PARP1: variants seen among roughly 807,000 people sequenced by gnomAD.
PARP1 encodes the protein poly(ADP-ribose) polymerase 1.
In PARP1, 44 loss-of-function variants were observed where a neutral mutation model predicts 118.7. The ratio of observed to expected loss-of-function variants is 0.37; its 90% CI spans 0.29 to 0.48. The LOEUF is 0.48. Ranked by LOEUF, PARP1 falls within the 20% of genes least tolerant of loss-of-function variation. The pLI is 0.99. For synonymous variants in PARP1, 492 were observed against 483.2 expected, an observed-to-expected ratio of 1.02 and a Z score of -0.24; for missense variants, 1,100 against 1,272.4, an observed-to-expected ratio of 0.86 and a Z score of 2.06.
intron 9 of PARP1, 68 bp downstream of exon 9, chr1:226,381,000 T>A: frequency 6.4e-7 from 1 of 1,568,504 alleles, no homozygotes. Context: ...TCTTCCTCAC[T>A]TACTCGTCAT....
chr1:226,407,507 G>A (rs960600192), intron 1 of PARP1, among the ~76,000 whole-genome samples: 2 of 152,088 alleles, frequency 1.3e-5, no homozygotes, highest in Non-Finnish European at 2.9e-5. Flanking sequence ...GAGGCGAACG[G>A]CAGTAATAAA....
In PARP1 at chr1:226,382,884, C is replaced by T. The variant is rs980680767; in HGVS notation, c.1159+152G>A. The T allele has an allele frequency of 8.0e-5, 64 of 802,380 alleles. No homozygotes were observed. The African/African-American group carries it at 1.0e-3, about 13-fold the overall frequency. 49.7% of individuals were successfully genotyped at this position (802,380 alleles called of 1,614,324 possible). On this transcript the variant is annotated intron_variant, in intron 8 of 22. Coordinates refer to ENST00000366794, the MANE Select transcript of PARP1 (RefSeq NM_001618.4). ...GGGTGTAACAAGCCAAGAGAAGAGG[C>T]CTATCCCCTGCAGGGCAAGGCTTCC...
chr1:226,361,956 C>CA lies in PARP1; in HGVS notation c.2963+12dup, dbSNP rs1664148625. The stretch of plus-strand genomic sequence containing the variant: ...TCCCTTTGTGCTCACACAGCATACT[C>CA]AAGAAAGGATACTCGTTATATAGTA... On this transcript the variant is annotated intron_variant, in intron 22 of 22. Coordinates refer to ENST00000366794, the MANE Select transcript of PARP1 (RefSeq NM_001618.4). The CA allele has an allele frequency of 6.8e-7, 1 of 1,465,566 alleles. No individual in the cohort carries two copies. Among genetic ancestry groups the CA allele is most frequent in the African/African-American group, 1.4e-5 (1 of 72,004 alleles). 90.8% of individuals were successfully genotyped at this position (1,465,566 alleles called of 1,614,324 possible).
rs533318843 is a variant in PARP1, at chr1:226,380,092, A to C, written c.1373T>G (p.Phe458Cys). ...GGTGGAGGCGGAGACGTCCTGGAGGAAGTCCTCAGACACAACTCGGATGTT... is the reference window on the plus strand; with the variant it reads ...GGTGGAGGCGGAGACGTCCTGGAGGCAGTCCTCAGACACAACTCGGATGTT... ...EANIRVVSEDFLQDVSASTKS... is the reference protein window; with the variant it reads ...EANIRVVSEDCLQDVSASTKS... Residue 458 changes from phenylalanine to cysteine, a missense_variant, in exon 10 of 23, where the codon TTC becomes TGC. Phe to Cys is a radical substitution (Grantham distance 205). Transcript: ENST00000366794. The C allele has an allele frequency of 6.2e-7, 1 of 1,614,206 alleles. No individual in the cohort carries two copies. The highest frequency in any genetic ancestry group is 1.3e-5 in the African/African-American group (1 of 75,046).
chr1:226,377,033 C>T (rs759708028), intron 13 of PARP1, 75 bp downstream of exon 13: 27 of 1,296,170 alleles, frequency 2.1e-5, no homozygotes, highest in Admixed American at 5.0e-5. Flanking sequence ...ACCTGATCCA[C>T]GATGTGGATT....
At chr1:226,364,205 G>A (rs2102726366) in intron 19 of PARP1, 135 bp from the exon 20 acceptor site, 1 of 860,122 alleles carries the variant, frequency 1.2e-6, no homozygotes, top group South Asian at 1.4e-5. Flanking sequence ...CAATGCCCAT[G>A]GTGAGGAAAT....
At chr1:226,401,237 G>C (rs1024504193) in intron 2 of PARP1, among the ~76,000 whole-genome samples, 28 of 152,248 alleles carry the variant, frequency 1.8e-4, no homozygotes, top group African/African-American at 6.8e-4. Context: ...GCCTGGGCGG[G>C]TCCTTGGCTT....
In PARP1 at chr1:226,367,495, G is replaced by A; in HGVS notation, c.2391C>T (p.Leu797=). 1 of 1,614,080 alleles carries A rather than the reference G, an allele frequency of 6.2e-7. No individual in the cohort carries two copies. The highest frequency in any genetic ancestry group is 8.5e-7 in the Non-Finnish European group (1 of 1,180,026). Residue 797 remains leucine (L), a synonymous_variant, in exon 17 of 23, where the codon CTC becomes CTT. Coordinates refer to ENST00000366794, the MANE Select transcript of PARP1 (RefSeq NM_001618.4). ...KDPIDVNYEK[L]KTDIKVVDRD... is the part of the protein sequence containing the mutation. The stretch of plus-strand genomic sequence containing the variant: ...ACCCTGTTACCTTAATGTCAGTTTT[G>A]AGCTTCTCATAGTTGACATCGATGG...
At chr1:226,406,997 T>C (rs1665162145) in intron 1 of PARP1, among the ~76,000 whole-genome samples, 1 of 152,086 alleles carries the variant, frequency 6.6e-6, no homozygotes, top group Non-Finnish European at 1.5e-5. Flanking sequence ...GAACCAGAAT[T>C]ATTAATACAA....
chr1:226,380,013 C>T lies in PARP1; in HGVS notation c.1452G>A (p.Glu484=), dbSNP rs1285334645. 12 of 1,614,110 alleles carry T rather than the reference C, an allele frequency of 7.4e-6. No individual in the cohort carries two copies. The highest frequency in any genetic ancestry group is 1.0e-5 in the Non-Finnish European group (12 of 1,180,056). Residue 484 remains glutamate, a synonymous_variant, in exon 10 of 23, where the codon GAG becomes GAA. Transcript: ENST00000366794. The stretch of plus-strand genomic sequence containing the variant: ...CAACTTCAACAGGCTCTGCCTTCAC[C>T]TCTGCCCCCCAAGGGGACAAGATGT... ...LAHILSPWGA[E]VKAEPVEVVA... is the part of the protein sequence containing the mutation.
At chr1:226,386,733 T>A (rs1193710371) in intron 5 of PARP1, among the ~76,000 whole-genome samples, 1 of 151,914 alleles carries the variant, frequency 6.6e-6, no homozygotes, top group Non-Finnish European at 1.5e-5. Flanking sequence ...CAGAAATCAA[T>A]CCCCAGAAAC....
At chr1:226,394,602 G>A (rs984411846) in intron 2 of PARP1, among the ~76,000 whole-genome samples, 1 of 152,126 alleles carries the variant, frequency 6.6e-6, no homozygotes, top group Non-Finnish European at 1.5e-5. Context: ...ATAACTAAAA[G>A]GTTAAAATTC....
chr1:226,367,584 G>A lies in PARP1; in HGVS notation c.2302C>T (p.Leu768=). ...VQAKVEMLDN[L]LDIEVAYSLL... ...CTGTAGGCCACCTCGATGTCCAGCA[G>A]GTTGTCAAGCATTTCCACCTTGGCC... The change falls in exon 17 of 23, where the codon CTG becomes TTG. Residue 768 remains leucine, a synonymous_variant. Coordinates refer to ENST00000366794, the MANE Select transcript of PARP1 (RefSeq NM_001618.4). 2 of 1,614,144 alleles carry A rather than the reference G, an allele frequency of 1.2e-6. No individual in the cohort carries two copies. Among genetic ancestry groups the A allele is most frequent in the African/African-American group, 1.3e-5 (1 of 75,040 alleles).
Position 226,370,603 on chromosome 1 carries a change from GC to G in PARP1, c.2071-87del, listed in dbSNP as rs1664361393. The G allele has an allele frequency of 3.1e-5, 32 of 1,049,014 alleles. No homozygotes were observed. In the South Asian group the frequency reaches 3.8e-4, roughly 12 times the overall value. 65.0% of individuals were successfully genotyped at this position (1,049,014 alleles called of 1,614,324 possible). ...GCTGGACCGGGCAGCCCACCCTCAGGCCCCCAACAGGAGCAGTCAGGAGCCT... is the reference window on the plus strand; with the variant it reads ...GCTGGACCGGGCAGCCCACCCTCAGGCCCCAACAGGAGCAGTCAGGAGCCT... On this transcript the variant is annotated intron_variant, in intron 14 of 22. Coordinates refer to ENST00000366794, the MANE Select transcript of PARP1 (RefSeq NM_001618.4).
intron 14 of PARP1, among the ~76,000 whole-genome samples, chr1:226,373,058 G>A (rs1664421187): frequency 6.6e-6 from 1 of 152,218 alleles, no homozygotes; most frequent in Non-Finnish European, 1.5e-5. Context: ...ACAGGCGTGA[G>A]CATTCCTGCC....
intron 17 of PARP1, chr1:226,367,035 G>C (rs1557059): frequency 0.99 from 263,376 of 264,806 alleles, 131,000 homozygotes; most frequent in East Asian, 1. Context: ...AAAAATGAAC[G>C]CAAGCATTGT....
chr1:226,390,114 A>G (rs1664793325), intron 4 of PARP1, among the ~76,000 whole-genome samples: 1 of 152,108 alleles, frequency 6.6e-6, no homozygotes, highest in Non-Finnish European at 1.5e-5. Context: ...TGTGGTGGGA[A>G]AGTGTAGTTA....
At chr1:226,377,376 G>A in intron 12 of PARP1, 73 bp from the exon 13 acceptor site, 1 of 1,146,946 alleles carries the variant, frequency 8.7e-7, no homozygotes, top group Non-Finnish European at 1.3e-6. Context: ...CCCCTTTCCT[G>A]CCATTACATT....
chr1:226,406,139 A>G (rs1390420605), intron 1 of PARP1, among the ~76,000 whole-genome samples: 2 of 152,130 alleles, frequency 1.3e-5, no homozygotes, highest in African/African-American at 4.8e-5. Flanking sequence ...TTCCAACTGT[A>G]AAGTGATATG....
Sources: gnomAD v4.1 joint callset for allele counts (sites outside exome capture counted in the v4.1 genomes callset) on GRCh38, gnomAD v4.1.1 for gene constraint, MANE v1.5 for transcripts, NCBI Gene and HGNC (gene_info 2026-07-23, HGNC 2026-07-21) for gene names.